Variants in EYS observed in about 807,000 individuals in gnomAD.
EYS encodes protein eyes shut homolog.
Under a neutral mutation model 282.1 loss-of-function variants are expected in EYS, and 250 were observed. The ratio of observed to expected loss-of-function variants is 0.89; its 90% CI spans 0.80 to 0.98. The LOEUF (loss-of-function observed/expected upper bound fraction) is 0.98. Ranked by LOEUF, EYS falls within the 50% of genes least tolerant of loss-of-function variation. The probability of loss-of-function intolerance (pLI) is 0.00; values close to 1 mark genes in which losing one functional copy is unlikely to be tolerated. For missense variants in EYS, 4,016 were observed against 3,709.0 expected (o/e 1.08, Z -2.15); for synonymous variants, 1,355 against 1,282.9 (o/e 1.06, Z -1.20).
chr6:64,546,880 C>T (rs536219445), intron 26 of EYS, among the ~76,000 whole-genome samples: 1 of 152,218 alleles, frequency 6.6e-6, no homozygotes, highest in South Asian at 2.1e-4. Context: ...ACAACAGGTG[C>T]TGGAGAGGAT....
chr6:64,904,092 A>T (rs1172945070), intron 16 of EYS, among the ~76,000 whole-genome samples: 1 of 152,206 alleles, frequency 6.6e-6, no homozygotes, highest in Non-Finnish European at 1.5e-5. Flanking sequence ...ACTACAAGAT[A>T]TCTAAAAGAA....
At chr6:64,676,826 C>T (rs752514702) in intron 22 of EYS, among the ~76,000 whole-genome samples, 4 of 152,056 alleles carry the variant, frequency 2.6e-5, no homozygotes, top group East Asian at 3.9e-4. Context: ...TTTCATAGCA[C>T]GAATTCCTTT....
chr6:63,886,380 T>A (rs1043282832), intron 35 of EYS, among the ~76,000 whole-genome samples: 77 of 152,306 alleles, frequency 5.1e-4, no homozygotes, highest in African/African-American at 1.7e-3. Context: ...AATGAAGTTA[T>A]AATTGGAAGT....
intron 14 of EYS, among the ~76,000 whole-genome samples, chr6:64,980,677 A>G (rs760812834): frequency 4.6e-4 from 69 of 151,404 alleles, no homozygotes; most frequent in Admixed American, 6.6e-4. Flanking sequence ...GTGAGACAAT[A>G]TAAGAATATC....
intron 33 of EYS, among the ~76,000 whole-genome samples, chr6:63,999,831 A>G (rs971049599): frequency 1.3e-5 from 2 of 152,248 alleles, no homozygotes; most frequent in Admixed American, 1.3e-4. Flanking sequence ...ATGCAATCAT[A>G]TGAAAAGGTA....
At chr6:64,530,271 A>G (rs1764283475) in intron 26 of EYS, among the ~76,000 whole-genome samples, 1 of 152,036 alleles carries the variant, frequency 6.6e-6, no homozygotes, top group South Asian at 2.1e-4. Flanking sequence ...TAAAATATCT[A>G]GAATTTTCAT....
intron 11 of EYS, among the ~76,000 whole-genome samples, chr6:65,321,677 C>T (rs1471133071): frequency 6.6e-6 from 1 of 152,184 alleles, no homozygotes; most frequent in Non-Finnish European, 1.5e-5. Flanking sequence ...GTATCATGCC[C>T]AGTCTAAAAT....
chr6:65,535,613 G>A (rs1390437462), intron 2 of EYS, among the ~76,000 whole-genome samples: 2 of 152,100 alleles, frequency 1.3e-5, no homozygotes, highest in African/African-American at 4.8e-5. Context: ...GACTAACATA[G>A]AGCTGATATT....
At chr6:65,553,936 C>T (rs942336496) in intron 2 of EYS, among the ~76,000 whole-genome samples, 3 of 152,062 alleles carry the variant, frequency 2.0e-5, no homozygotes, top group Non-Finnish European at 4.4e-5. Flanking sequence ...ATATATGTGT[C>T]CTTCTAAAAT....
intron 35 of EYS, among the ~76,000 whole-genome samples, chr6:63,948,314 G>T (rs1263668364): frequency 6.6e-6 from 1 of 152,098 alleles, no homozygotes; most frequent in African/African-American, 2.4e-5. Context: ...AATCTCAATT[G>T]CTTTCTCATA....
chr6:65,615,447 T>A (rs746639331), intron 2 of EYS, among the ~76,000 whole-genome samples: 4 of 150,194 alleles, frequency 2.7e-5, no homozygotes, highest in Non-Finnish European at 5.9e-5. Context: ...ATATATGTAC[T>A]CTATATATTA....
intron 2 of EYS, among the ~76,000 whole-genome samples, chr6:65,606,082 G>A (rs754183883): frequency 1.4e-4 from 21 of 151,568 alleles, no homozygotes; most frequent in Non-Finnish European, 1.2e-4. Flanking sequence ...ACTACCAATA[G>A]TCGCAAATTT....
At chr6:65,531,852 C>G (rs570241204) in intron 2 of EYS, among the ~76,000 whole-genome samples, 1 of 152,076 alleles carries the variant, frequency 6.6e-6, no homozygotes, top group Non-Finnish European at 1.5e-5. Context: ...TTTGTTTCAT[C>G]GGTAATATAT....
chr6:64,478,841 AT>A (rs928827837), intron 26 of EYS, among the ~76,000 whole-genome samples: 4 of 151,452 alleles, frequency 2.6e-5, no homozygotes, highest in African/African-American at 7.2e-5. Flanking sequence ...TTTCTTATGA[AT>A]TTATAAGGAC....
intron 35 of EYS, among the ~76,000 whole-genome samples, chr6:63,962,041 A>C (rs1323893639): frequency 6.6e-6 from 1 of 152,222 alleles, no homozygotes; most frequent in East Asian, 1.9e-4. Context: ...GGTGTTGGGA[A>C]AACTGGCTAG....
intron 35 of EYS, among the ~76,000 whole-genome samples, chr6:63,944,078 C>A (rs957930092): frequency 1.3e-5 from 2 of 152,034 alleles, no homozygotes; most frequent in Non-Finnish European, 2.9e-5. Context: ...AGGACCTGAC[C>A]CTGCCTGAAG....
At chr6:65,595,737 G>T (rs1049539608) in intron 2 of EYS, among the ~76,000 whole-genome samples, 35 of 151,970 alleles carry the variant, frequency 2.3e-4, no homozygotes, top group Admixed American at 6.6e-4. Flanking sequence ...CGACATCACT[G>T]TCTTTTCACC....
intron 22 of EYS, among the ~76,000 whole-genome samples, chr6:64,663,260 G>A (rs1165912483): frequency 6.6e-6 from 1 of 152,118 alleles, no homozygotes; most frequent in African/African-American, 2.4e-5. Context: ...TATACCATTG[G>A]TAATAAGGGA....
At chr6:65,136,621 C>T (rs538531131) in intron 12 of EYS, among the ~76,000 whole-genome samples, 1 of 152,076 alleles carries the variant, frequency 6.6e-6, no homozygotes, top group South Asian at 2.1e-4. Flanking sequence ...ATTAAATATC[C>T]TATGCACTCA....
Sources: gnomAD v4.1 joint callset for allele counts (sites outside exome capture counted in the v4.1 genomes callset) on GRCh38, gnomAD v4.1.1 for gene constraint, MANE v1.5 for transcripts, NCBI Gene and HGNC (gene_info 2026-07-23, HGNC 2026-07-21) for gene names.